Variants in PLCB1 observed in about 807,000 individuals in gnomAD.
The protein encoded by PLCB1 is 1-phosphatidylinositol 4,5-bisphosphate phosphodiesterase beta-1.
Under a neutral mutation model 161.8 loss-of-function variants are expected in PLCB1, and 46 were observed. That is an observed-to-expected ratio of 0.28 (90% CI 0.22 to 0.36). The LOEUF is 0.36. Ranked by LOEUF, PLCB1 falls within the 10% of genes least tolerant of loss-of-function variation. PLCB1 has a pLI of 1.00. For synonymous variants in PLCB1, 517 were observed against 503.7 expected (o/e 1.03, Z -0.35); for missense variants, 1,016 against 1,472.5 (o/e 0.69, Z 5.07).
At chr20:8,201,937 A>T (rs1032197223) in intron 2 of PLCB1, among the ~76,000 whole-genome samples, 9 of 152,172 alleles carry the variant, frequency 5.9e-5, no homozygotes, top group African/African-American at 1.9e-4. Flanking sequence ...GGTTTTGTAG[A>T]TCCTTCTTGA....
intron 2 of PLCB1, among the ~76,000 whole-genome samples, chr20:8,244,020 A>G (rs1043319869): frequency 1.3e-5 from 2 of 152,002 alleles, no homozygotes. Flanking sequence ...GAAAATTAAT[A>G]TAACAAAGTC....
At chr20:8,854,045 C>T (rs1224439754) in intron 31 of PLCB1, among the ~76,000 whole-genome samples, 1 of 152,076 alleles carries the variant, frequency 6.6e-6, no homozygotes, top group African/African-American at 2.4e-5. Flanking sequence ...AACAAGAAGC[C>T]AGAGGGAAAA....
intron 22 of PLCB1, 103 bp downstream of exon 22, chr20:8,740,551 A>G (rs1980823950): frequency 1.8e-6 from 1 of 551,426 alleles, no homozygotes; most frequent in African/African-American, 2.0e-5. Flanking sequence ...CAAACAAAGC[A>G]GGAGATTCTG....
chr20:8,511,341 C>G (rs1983884208), intron 3 of PLCB1, among the ~76,000 whole-genome samples: 1 of 152,066 alleles, frequency 6.6e-6, no homozygotes, highest in Non-Finnish European at 1.5e-5. Context: ...TGTATATATA[C>G]ATACAAAACA....
chr20:8,360,590 T>C (rs527520469), intron 2 of PLCB1, among the ~76,000 whole-genome samples: 1 of 152,324 alleles, frequency 6.6e-6, no homozygotes, highest in South Asian at 2.1e-4. Context: ...GATTTATTGA[T>C]TGACTCAGTG....
At chr20:8,772,631 C>T (rs1982746598) in intron 26 of PLCB1, among the ~76,000 whole-genome samples, 1 of 152,116 alleles carries the variant, frequency 6.6e-6, no homozygotes, top group African/African-American at 2.4e-5. Context: ...CAATGATTTC[C>T]TGCTATATAA....
At chr20:8,373,026 T>A (rs909303581) in intron 3 of PLCB1, among the ~76,000 whole-genome samples, 1 of 152,188 alleles carries the variant, frequency 6.6e-6, no homozygotes, top group Non-Finnish European at 1.5e-5. Context: ...GTTTCGTTTA[T>A]GGATGTGGTT....
chr20:8,168,619 G>A (rs2123063998), intron 2 of PLCB1, among the ~76,000 whole-genome samples: 1 of 152,290 alleles, frequency 6.6e-6, no homozygotes, highest in East Asian at 1.9e-4. Context: ...ACATATTGAG[G>A]AATGAGGTGG....
At chr20:8,861,858 G>A (rs1438899713) in intron 31 of PLCB1, among the ~76,000 whole-genome samples, 2 of 151,996 alleles carry the variant, frequency 1.3e-5, no homozygotes, top group Non-Finnish European at 2.9e-5. Context: ...TGATTTACTG[G>A]GAAACATTGA....
chr20:8,242,908 G>A (rs1172596293), intron 2 of PLCB1, among the ~76,000 whole-genome samples: 1 of 151,958 alleles, frequency 6.6e-6, no homozygotes, highest in African/African-American at 2.4e-5. Flanking sequence ...TACAAATGGG[G>A]TGTGCAGAGT....
At chr20:8,347,075 G>A (rs1986022786) in intron 2 of PLCB1, among the ~76,000 whole-genome samples, 1 of 152,154 alleles carries the variant, frequency 6.6e-6, no homozygotes, top group Non-Finnish European at 1.5e-5. Flanking sequence ...ATATTCCCAG[G>A]ATAGCCTTAG....
chr20:8,720,255 G>A lies in PLCB1; in HGVS notation c.1514-2099G>A, dbSNP rs1216952615. On this transcript the variant is annotated intron_variant, in intron 14 of 31. Coordinates refer to ENST00000338037, the MANE Select transcript of PLCB1 (RefSeq NM_015192.4). ...GTTCTCTGCCTCTTATTAACAGGAT[G>A]CATAACACAAATGACGATTTTTACA... Among the ~76,000 whole-genome samples, 4 of 152,272 alleles carry A rather than the reference G, an allele frequency of 2.6e-5. No individual in the cohort carries two copies. The South Asian group carries it at 6.2e-4, about 24-fold the overall frequency.
intron 31 of PLCB1, among the ~76,000 whole-genome samples, chr20:8,849,007 C>T (rs1986793504): frequency 6.6e-6 from 1 of 152,146 alleles, no homozygotes; most frequent in Admixed American, 6.5e-5. Flanking sequence ...GGAAGCCAAA[C>T]ACTTAGAATC....
chr20:8,808,901 T>G (rs1448846266), intron 31 of PLCB1, among the ~76,000 whole-genome samples: 1 of 152,206 alleles, frequency 6.6e-6, no homozygotes. Context: ...CAAATTAAAT[T>G]ATATAAACTT....
chr20:8,636,277 TA>T (rs5840274), intron 4 of PLCB1, among the ~76,000 whole-genome samples: 147,123 of 152,104 alleles, frequency 0.97, 71,162 homozygotes, highest in East Asian at 0.99. Context: ...CTTATTATAT[TA>T]AAAAAAAATG....
intron 3 of PLCB1, among the ~76,000 whole-genome samples, chr20:8,607,296 T>A (rs1416408034): frequency 6.6e-6 from 1 of 152,222 alleles, no homozygotes; most frequent in African/African-American, 2.4e-5. Flanking sequence ...TTTTGCACAT[T>A]GGCAGACAAA....
intron 1 of PLCB1, among the ~76,000 whole-genome samples, chr20:8,137,664 A>G (rs796403091): frequency 1.2e-4 from 18 of 152,060 alleles, no homozygotes; most frequent in African/African-American, 2.6e-4. Context: ...AGCTGGATCC[A>G]TTTTCACAAA....
chr20:8,676,768 C>T (rs1990088664), intron 9 of PLCB1, among the ~76,000 whole-genome samples: 1 of 152,064 alleles, frequency 6.6e-6, no homozygotes, highest in African/African-American at 2.4e-5. Flanking sequence ...GAAATATGAA[C>T]AGATAATTAA....
intron 11 of PLCB1, among the ~76,000 whole-genome samples, chr20:8,703,322 A>G (rs1405614274): frequency 6.6e-6 from 1 of 152,246 alleles, no homozygotes; most frequent in Non-Finnish European, 1.5e-5. Context: ...GTTATCATTG[A>G]AATTCATAAA....
Sources: allele counts gnomAD v4.1 joint callset (sites outside exome capture counted in the v4.1 genomes callset), GRCh38; gene constraint gnomAD v4.1.1; transcripts MANE v1.5; gene names NCBI Gene and HGNC (gene_info 2026-07-23, HGNC 2026-07-21).